The following TSHR variants were observed in gnomAD, a reference collection of about 807,000 sequenced individuals.
The protein encoded by TSHR is thyroid stimulating hormone receptor, also known as thyrotropin receptor.
TSHR carries 51 observed loss-of-function variants against 64.1 expected under a neutral mutation model. The observed-to-expected ratio is 0.80, with a 90% CI of 0.64 to 1.01. The LOEUF (loss-of-function observed/expected upper bound fraction) is 1.01. Ranked by LOEUF, TSHR falls within the 50% of genes least tolerant of loss-of-function variation. The probability of loss-of-function intolerance (pLI) is 0.00; values close to 1 mark genes in which losing one functional copy is unlikely to be tolerated. For synonymous variants in TSHR, 361 were observed against 361.9 expected, an observed-to-expected ratio of 1.00 and a Z score of 0.03; for missense variants, 877 against 942.8, an observed-to-expected ratio of 0.93 and a Z score of 0.91.
At chr14:80,990,515 A>T (rs1319101492) in intron 1 of TSHR, among the ~76,000 whole-genome samples, 1 of 152,180 alleles carries the variant, frequency 6.6e-6, no homozygotes, top group Non-Finnish European at 1.5e-5. Flanking sequence ...TGCAAATAAG[A>T]TATGTCCAAT....
chr14:80,959,923 A>G (rs1303440673), intron 1 of TSHR, among the ~76,000 whole-genome samples: 2 of 152,234 alleles, frequency 1.3e-5, no homozygotes, highest in African/African-American at 2.4e-5. Flanking sequence ...TAGAAAGGTT[A>G]CAAGTGGAAA....
At chr14:81,028,094 C>A (rs1485298591) in intron 1 of TSHR, among the ~76,000 whole-genome samples, 1 of 152,062 alleles carries the variant, frequency 6.6e-6, no homozygotes, top group Non-Finnish European at 1.5e-5. Context: ...GGAAGAGAGA[C>A]CTTACGATAC....
chr14:81,081,338 T>G (rs1003005258), intron 3 of TSHR, among the ~76,000 whole-genome samples: 9 of 150,516 alleles, frequency 6.0e-5, no homozygotes, highest in South Asian at 2.1e-4. Context: ...ATGATGAGAG[T>G]TTTTTTTTAC....
At chr14:80,963,337 G>A (rs2139690023) in intron 1 of TSHR, among the ~76,000 whole-genome samples, 1 of 152,172 alleles carries the variant, frequency 6.6e-6, no homozygotes, top group Non-Finnish European at 1.5e-5. Flanking sequence ...CCATCCACTG[G>A]TTTCCAGGTT....
intron 6 of TSHR, among the ~76,000 whole-genome samples, 196 bp from the exon 7 acceptor site, chr14:81,096,443 T>C (rs1056765845): frequency 1.3e-5 from 2 of 152,210 alleles, no homozygotes; most frequent in African/African-American, 4.8e-5. Flanking sequence ...GTCAGGAGAA[T>C]GGGCATTCAA....
At chr14:81,054,607 T>G (rs1439026215) in intron 1 of TSHR, among the ~76,000 whole-genome samples, 1 of 152,126 alleles carries the variant, frequency 6.6e-6, no homozygotes. Flanking sequence ...CAGATGGAGA[T>G]GAGGAACTTG....
At chr14:81,108,648 T>C in intron 8 of TSHR, 196 bp downstream of exon 8, 2 of 1,614,138 alleles carry the variant, frequency 1.2e-6, no homozygotes, top group South Asian at 2.2e-5. Flanking sequence ...CCTTTGAGAC[T>C]CAGAAGGCCC....
At chr14:81,085,192 C>T (rs571397256) in intron 3 of TSHR, among the ~76,000 whole-genome samples, 79 of 152,222 alleles carry the variant, frequency 5.2e-4, no homozygotes, top group African/African-American at 1.6e-3. Flanking sequence ...GAACTCCTGA[C>T]CTCAACTGAT....
intron 1 of TSHR, among the ~76,000 whole-genome samples, chr14:81,039,100 C>T (rs1018241632): frequency 2.0e-5 from 3 of 151,658 alleles, no homozygotes; most frequent in African/African-American, 7.3e-5. Context: ...AGAAAGAAAA[C>T]TACAGGCAAA....
intron 2 of TSHR, among the ~76,000 whole-genome samples, chr14:81,062,507 T>C (rs184278142): frequency 6.6e-6 from 1 of 152,256 alleles, no homozygotes; most frequent in East Asian, 1.9e-4. Flanking sequence ...GGCAAAACCT[T>C]AGCTGTAAAT....
chr14:81,128,459 C>T (rs917829136), intron 8 of TSHR, among the ~76,000 whole-genome samples: 5 of 152,186 alleles, frequency 3.3e-5, no homozygotes, highest in Admixed American at 2.0e-4. Flanking sequence ...TATTCTTGCA[C>T]CTGTTGTAAT....
chr14:81,086,376 A>G (rs1888287390), intron 3 of TSHR, among the ~76,000 whole-genome samples: 2 of 152,196 alleles, frequency 1.3e-5, no homozygotes, highest in South Asian at 4.1e-4. Flanking sequence ...TCTGTTTCAT[A>G]TTCAGTGTCC....
chr14:80,992,142 C>G (rs1888758423), intron 1 of TSHR: 1 of 152,234 alleles, frequency 6.6e-6, no homozygotes, highest in Non-Finnish European at 1.5e-5. Flanking sequence ...TGGCTCACGC[C>G]TGTAATCCCA....
At position 80,955,667 on chromosome 14, in the gene TSHR, G is replaced by A; in HGVS notation, c.-14G>A. On this transcript the variant is annotated 5_prime_UTR_variant, in exon 1 of 10. Coordinates refer to ENST00000298171, the MANE Select transcript of TSHR (RefSeq NM_000369.5). ...TTTCGGAGGATGGAGAAATAGCCCC[G>A]AGTCCCGTGGAAAATGAGGCCGGCG... The A allele has an allele frequency of 6.2e-7, 1 of 1,613,606 alleles. No homozygotes were observed. Among genetic ancestry groups the A allele is most frequent in the Non-Finnish European group, 8.5e-7 (1 of 1,179,916 alleles).
chr14:81,109,170 G>T (rs2140034304), intron 8 of TSHR, among the ~76,000 whole-genome samples: 1 of 152,312 alleles, frequency 6.6e-6, no homozygotes, highest in East Asian at 1.9e-4. Context: ...AGCACTTTGG[G>T]AGGCCGAGGC....
chr14:80,967,563 G>A (rs1887385306), intron 1 of TSHR, among the ~76,000 whole-genome samples: 4 of 152,090 alleles, frequency 2.6e-5, no homozygotes, highest in Non-Finnish European at 5.9e-5. Context: ...GGGATTACAA[G>A]TGTAAGCCAC....
At position 80,983,212 on chromosome 14, in the gene TSHR, A is replaced by G. The variant is rs1594916494; in HGVS notation, c.170+27362A>G. ...CAATGCAAAATTGAATTACATGTTA[A>G]GCATATGTGTAAAGACACCATGTCA... On this transcript the variant is annotated intron_variant, in intron 1 of 9. Coordinates refer to ENST00000298171, the MANE Select transcript of TSHR (RefSeq NM_000369.5). The G allele has an allele frequency of 1.7e-5, 21 of 1,240,056 alleles. No homozygotes were observed. In the East Asian group the frequency reaches 5.0e-4, roughly 30 times the overall value. The allele number at this position is 1,240,056 out of a possible 1,614,324, so 76.8% of individuals were successfully genotyped here. A position where few individuals can be genotyped will look rare whatever the true frequency, so the allele number is the denominator to read the frequency against.
At chr14:81,020,030 G>T (rs920877975) in intron 1 of TSHR, among the ~76,000 whole-genome samples, 1 of 152,198 alleles carries the variant, frequency 6.6e-6, no homozygotes, top group South Asian at 2.1e-4. Context: ...TTGAGGAATC[G>T]CCACACTGTC....
At chr14:81,056,866 T>C (rs954519878) in intron 1 of TSHR, among the ~76,000 whole-genome samples, 17 of 152,336 alleles carry the variant, frequency 1.1e-4, no homozygotes, top group African/African-American at 3.6e-4. Context: ...TTTTGTATCA[T>C]TTGTAAATAA....
Sources: allele counts gnomAD v4.1 joint callset (sites outside exome capture counted in the v4.1 genomes callset), GRCh38; gene constraint gnomAD v4.1.1; transcripts MANE v1.5; gene names NCBI Gene and HGNC (gene_info 2026-07-23, HGNC 2026-07-21).